Variants in FRMD4A observed in about 807,000 individuals in gnomAD.
FRMD4A encodes FERM domain-containing protein 4A.
In FRMD4A, 29 loss-of-function variants were observed where a neutral mutation model predicts 129.1. The observed-to-expected ratio is 0.22, with a 90% CI of 0.17 to 0.31. The LOEUF is 0.31. FRMD4A is among the 10% of genes least tolerant of loss of function. FRMD4A has a pLI of 1.00. For missense variants in FRMD4A, 1,272 were observed against 1,375.8 expected (o/e 0.92, Z 1.19); for synonymous variants, 634 against 571.6 (o/e 1.11, Z -1.56).
At chr10:14,118,862 G>T (rs1838342050) in intron 2 of FRMD4A, among the ~76,000 whole-genome samples, 1 of 152,146 alleles carries the variant, frequency 6.6e-6, no homozygotes, top group Non-Finnish European at 1.5e-5. Flanking sequence ...TAGGGACCCA[G>T]CCAAACCATA....
At chr10:13,924,276 G>C (rs1331772160) in intron 2 of FRMD4A, among the ~76,000 whole-genome samples, 1 of 152,132 alleles carries the variant, frequency 6.6e-6, no homozygotes, top group East Asian at 1.9e-4. Context: ...TTACACTCCA[G>C]CTGAAGTTCC....
At chr10:13,707,489 G>C (rs909704856) in intron 12 of FRMD4A, 26 of 1,013,572 alleles carry the variant, frequency 2.6e-5, no homozygotes, top group Non-Finnish European at 3.0e-5. Context: ...CAGCAGGGAA[G>C]GCGGCGGGTG....
At chr10:14,224,476 G>C (rs944707863) in intron 2 of FRMD4A, among the ~76,000 whole-genome samples, 1 of 152,232 alleles carries the variant, frequency 6.6e-6, no homozygotes, top group Admixed American at 6.5e-5. Flanking sequence ...ATACTGGGCA[G>C]AAAGACTTTG....
At chr10:13,785,153 T>C (rs1711552363) in intron 5 of FRMD4A, among the ~76,000 whole-genome samples, 1 of 152,130 alleles carries the variant, frequency 6.6e-6, no homozygotes, top group South Asian at 2.1e-4. Flanking sequence ...AATAAAGCTT[T>C]CTATCATTTT....
At chr10:13,814,799 A>G (rs549589806) in intron 3 of FRMD4A, among the ~76,000 whole-genome samples, 16 of 152,206 alleles carry the variant, frequency 1.1e-4, no homozygotes, top group Non-Finnish European at 5.9e-5. Flanking sequence ...GGCATAGTTT[A>G]TCTAGAACAT....
chr10:13,890,463 G>T, intron 2 of FRMD4A: 2 of 927,756 alleles, frequency 2.2e-6, no homozygotes. Flanking sequence ...GATGCTGTTG[G>T]AAAAGGACGA....
rs558945871 is a variant in FRMD4A at position 14,024,248 on chromosome 10, A to G, written c.46-165336T>C. On this transcript the variant is annotated intron_variant, in intron 2 of 24. Transcript: ENST00000357447. ...AATCATGTGGACTTGGGAACTGCACAGTTGCAGATCAGAATGAGATTCCGT... is the reference window on the plus strand; with the variant it reads ...AATCATGTGGACTTGGGAACTGCACGGTTGCAGATCAGAATGAGATTCCGT... 1.4e-3 allele frequency among the ~76,000 whole-genome samples: 212 copies of G among 152,384 alleles called. 1 individual carries two copies. Among genetic ancestry groups the G allele is most frequent in the Non-Finnish European group, 1.2e-3 (83 of 68,038 alleles).
chr10:14,249,770 G>A (rs1056122376), intron 2 of FRMD4A, among the ~76,000 whole-genome samples: 8 of 152,160 alleles, frequency 5.3e-5, no homozygotes, highest in African/African-American at 9.7e-5. Flanking sequence ...TAAGGTGTAG[G>A]TACAGGATGG....
intron 2 of FRMD4A, among the ~76,000 whole-genome samples, chr10:14,234,577 A>C (rs1056647102): frequency 2.6e-5 from 4 of 152,180 alleles, no homozygotes; most frequent in East Asian, 1.9e-4. Context: ...CGGCATTCTG[A>C]AGACACATTT....
chr10:14,069,805 A>G (rs999343946), intron 2 of FRMD4A, among the ~76,000 whole-genome samples: 5 of 152,166 alleles, frequency 3.3e-5, no homozygotes, highest in Admixed American at 1.3e-4. Flanking sequence ...AAAGCTTTTT[A>G]ATATTTGCAC....
rs568273305 is a variant in FRMD4A at position 14,008,619 on chromosome 10, A to G, written c.46-149707T>C. On this transcript the variant is annotated intron_variant, in intron 2 of 24. Coordinates refer to ENST00000357447, the MANE Select transcript of FRMD4A (RefSeq NM_018027.5). ...TGACTCCCAAGCCCCTCGGCCGTAC[A>G]GTAGGTCACATGCTCACCTTAAAAA... is the stretch of plus-strand genomic sequence containing the variant. 2.2e-5 allele frequency: 9 copies of G among 408,602 alleles called. No homozygotes were observed. The East Asian group carries it at 9.6e-4, about 43-fold the overall frequency. 25.3% of individuals were successfully genotyped at this position (408,602 alleles called of 1,614,324 possible). A position where few individuals can be genotyped will look rare whatever the true frequency, so the allele number is the denominator to read the frequency against.
intron 2 of FRMD4A, among the ~76,000 whole-genome samples, chr10:13,930,190 G>T (rs1180824498): frequency 1.3e-5 from 2 of 152,174 alleles, no homozygotes; most frequent in Non-Finnish European, 2.9e-5. Context: ...CTTCCAGCTT[G>T]CAATCCCCAT....
intron 2 of FRMD4A, among the ~76,000 whole-genome samples, chr10:14,207,493 A>G (rs908022021): frequency 6.6e-6 from 1 of 152,174 alleles, no homozygotes; most frequent in East Asian, 1.9e-4. Flanking sequence ...CTATAGTACA[A>G]TATAACCCTG....
intron 2 of FRMD4A, among the ~76,000 whole-genome samples, chr10:14,154,196 G>A (rs117678239): frequency 0.035 from 5,264 of 152,196 alleles, 120 homozygotes; most frequent in Non-Finnish European, 0.054. Flanking sequence ...AACCCGCATC[G>A]GCTTTGAGGG....
intron 2 of FRMD4A, among the ~76,000 whole-genome samples, chr10:13,893,820 A>G (rs966223395): frequency 1.3e-5 from 2 of 151,972 alleles, no homozygotes; most frequent in African/African-American, 4.8e-5. Flanking sequence ...TCAGACATAC[A>G]TTTCTCTTCC....
intron 2 of FRMD4A, among the ~76,000 whole-genome samples, chr10:13,886,927 A>T (rs1453336253): frequency 6.6e-6 from 1 of 152,266 alleles, no homozygotes; most frequent in Non-Finnish European, 1.5e-5. Flanking sequence ...ATAATTGCTA[A>T]GAAGGCAGGA....
chr10:13,735,974 T>C (rs1323611416), intron 12 of FRMD4A, among the ~76,000 whole-genome samples: 1 of 152,016 alleles, frequency 6.6e-6, no homozygotes, highest in Non-Finnish European at 1.5e-5. Flanking sequence ...GCCCACATGG[T>C]GAAACCCCAT....
chr10:13,983,463 C>T (rs1360043293), intron 2 of FRMD4A, among the ~76,000 whole-genome samples: 1 of 152,054 alleles, frequency 6.6e-6, no homozygotes, highest in Non-Finnish European at 1.5e-5. Flanking sequence ...TGAGCTTAGA[C>T]TTGATTGTTC....
chr10:13,799,272 C>T (rs1665647198), intron 4 of FRMD4A, among the ~76,000 whole-genome samples: 2 of 152,244 alleles, frequency 1.3e-5, no homozygotes, highest in Admixed American at 1.3e-4. Flanking sequence ...ATTCTCCTGC[C>T]TCAGCCTCCT....
Sources: allele counts gnomAD v4.1 joint callset (sites outside exome capture counted in the v4.1 genomes callset), GRCh38; gene constraint gnomAD v4.1.1; transcripts MANE v1.5; gene names NCBI Gene and HGNC (gene_info 2026-07-23, HGNC 2026-07-21).